The following GSK3B variants were observed in gnomAD, a reference collection of about 807,000 sequenced individuals.
GSK3B encodes glycogen synthase kinase 3 beta, also known as glycogen synthase kinase-3 beta.
In GSK3B, 15 loss-of-function variants were observed where a neutral mutation model predicts 56.4. That is an observed-to-expected ratio of 0.27 (90% confidence interval 0.18 to 0.41). The LOEUF is 0.41. Ranked by LOEUF, GSK3B falls within the 10% of genes least tolerant of loss-of-function variation. The probability of loss-of-function intolerance (pLI) is 1.00; values close to 1 mark genes in which losing one functional copy is unlikely to be tolerated. For missense variants in GSK3B, 300 were observed against 513.4 expected, an observed-to-expected ratio of 0.58 and a Z score of 4.02; for synonymous variants, 181 against 188.9, an observed-to-expected ratio of 0.96 and a Z score of 0.34.
chr3:120,071,572 G>T (rs2058327060), intron 1 of GSK3B, among the ~76,000 whole-genome samples: 1 of 152,072 alleles, frequency 6.6e-6, no homozygotes. Flanking sequence ...AGGGATCTAG[G>T]TGCACATTCC....
chr3:119,860,686 C>T (rs548767160), intron 9 of GSK3B, among the ~76,000 whole-genome samples: 17 of 152,256 alleles, frequency 1.1e-4, no homozygotes, highest in African/African-American at 3.1e-4. Flanking sequence ...TAGTTCTGTA[C>T]ATATAGCAGG....
intron 7 of GSK3B, among the ~76,000 whole-genome samples, chr3:119,898,662 AC>A (rs2056595221): frequency 6.6e-6 from 1 of 152,040 alleles, no homozygotes; most frequent in African/African-American, 2.4e-5. Flanking sequence ...TTTTTCCACC[AC>A]CCTACTCTTC....
intron 2 of GSK3B, among the ~76,000 whole-genome samples, chr3:119,989,979 T>C (rs1025845426): frequency 1.3e-5 from 2 of 152,202 alleles, no homozygotes; most frequent in Non-Finnish European, 2.9e-5. Flanking sequence ...GGGTCTGGAT[T>C]GACAGAGTAG....
intron 2 of GSK3B, among the ~76,000 whole-genome samples, chr3:119,957,233 A>G (rs889180488): frequency 6.6e-6 from 1 of 152,232 alleles, no homozygotes; most frequent in African/African-American, 2.4e-5. Flanking sequence ...AATTATAGTT[A>G]TAAAATAACA....
chr3:120,051,304 T>C (rs561027556), intron 1 of GSK3B, among the ~76,000 whole-genome samples: 10 of 152,186 alleles, frequency 6.6e-5, no homozygotes, highest in South Asian at 4.1e-4. Context: ...GAATGGGACA[T>C]AGCTCAACTA....
chr3:119,919,272 A>C (rs1158207081), intron 4 of GSK3B, among the ~76,000 whole-genome samples: 2 of 152,182 alleles, frequency 1.3e-5, no homozygotes, highest in African/African-American at 4.8e-5. Flanking sequence ...TCCTTATCAG[A>C]TGATGAGGTT....
At chr3:120,062,901 CT>C in intron 1 of GSK3B, among the ~76,000 whole-genome samples, 1 of 152,066 alleles carries the variant, frequency 6.6e-6, no homozygotes, top group South Asian at 2.1e-4. Flanking sequence ...ACTTTCTGGA[CT>C]TTAGAGCAGA....
At chr3:119,905,037 C>T (rs1274030206) in intron 7 of GSK3B, among the ~76,000 whole-genome samples, 2 of 149,484 alleles carry the variant, frequency 1.3e-5, no homozygotes, top group Non-Finnish European at 3.0e-5. Context: ...CATTTAAAAA[C>T]TCAATTAAAA....
chr3:119,977,164 T>C (rs1325006072), intron 2 of GSK3B, among the ~76,000 whole-genome samples: 2 of 152,184 alleles, frequency 1.3e-5, no homozygotes, highest in African/African-American at 4.8e-5. Context: ...CCATTAAAAT[T>C]TTAAAAATGT....
rs2058533849 is a variant in GSK3B at position 120,093,615 on chromosome 3, A to C, written c.-181T>G. The C allele has an allele frequency of 3.8e-6, 2 of 530,174 alleles. No individual in the cohort carries two copies. Among genetic ancestry groups the C allele is most frequent in the South Asian group, 5.6e-5 (2 of 35,908 alleles). 32.8% of individuals were successfully genotyped at this position (530,174 alleles called of 1,614,324 possible). On this transcript the variant is annotated 5_prime_UTR_variant, in exon 1 of 11. Transcript: ENST00000264235. Reference sequence around the variant, plus strand: ...TATACTATAAAAAACAAAACAAGCGATATATTTCTCCTTCAAGACAGATCG... The same window carrying C: ...TATACTATAAAAAACAAAACAAGCGCTATATTTCTCCTTCAAGACAGATCG...
intron 2 of GSK3B, among the ~76,000 whole-genome samples, chr3:119,968,574 A>G (rs1476123234): frequency 6.6e-6 from 1 of 152,234 alleles, no homozygotes; most frequent in Admixed American, 6.5e-5. Flanking sequence ...TAGATGCTGA[A>G]AAAGCATTTG....
Position 119,912,817 on chromosome 3 carries a change from G to T in GSK3B, c.609-7C>A. On this transcript the variant is annotated splice_region_variant and splice_polypyrimidine_tract_variant and intron_variant, in intron 5 of 10. Transcript: ENST00000264235. ...TCGGACCAGCTGCTTTGCACTAACA[G>T]AAAAAAAATAAAAATAAAAAGCAGA... 4 of 1,446,762 alleles carry T rather than the reference G, an allele frequency of 2.8e-6. No homozygotes were observed. Among genetic ancestry groups the T allele is most frequent in the African/African-American group, 1.4e-5 (1 of 70,392 alleles). The allele number at this position is 1,446,762 out of a possible 1,614,324, so 89.6% of individuals were successfully genotyped here. A position where few individuals can be genotyped will look rare whatever the true frequency, so the allele number is the denominator to read the frequency against.
chr3:119,827,761 A>G (rs2055537149), intron 10 of GSK3B, among the ~76,000 whole-genome samples: 1 of 151,998 alleles, frequency 6.6e-6, no homozygotes, highest in African/African-American at 2.4e-5. Context: ...ACTTATTTGT[A>G]GGAGCTAAAA....
chr3:120,052,086 G>A (rs754451096), intron 1 of GSK3B, among the ~76,000 whole-genome samples: 5 of 152,068 alleles, frequency 3.3e-5, no homozygotes, highest in Non-Finnish European at 7.4e-5. Flanking sequence ...CTTTATAAAC[G>A]GGATCTGTGG....
intron 2 of GSK3B, 75 bp downstream of exon 2, chr3:120,001,971 G>T: frequency 1.0e-6 from 1 of 952,734 alleles, no homozygotes; most frequent in Non-Finnish European, 1.5e-6. Context: ...GCAAAAAGAA[G>T]CAACTAAAAA....
intron 4 of GSK3B, among the ~76,000 whole-genome samples, chr3:119,919,475 C>G (rs917306624): frequency 1.4e-5 from 2 of 142,602 alleles, no homozygotes; most frequent in African/African-American, 2.6e-5. Flanking sequence ...GAATAATGCC[C>G]AGAGCCAATA....
chr3:119,968,045 C>T (rs1238014047), intron 2 of GSK3B, among the ~76,000 whole-genome samples: 11 of 152,158 alleles, frequency 7.2e-5, no homozygotes, highest in Middle Eastern at 3.4e-3. Flanking sequence ...TTAGTAGGGA[C>T]GGGGTTTCAC....
intron 7 of GSK3B, among the ~76,000 whole-genome samples, chr3:119,901,422 C>T (rs1288687308): frequency 6.6e-6 from 1 of 152,050 alleles, no homozygotes; most frequent in Non-Finnish European, 1.5e-5. Context: ...AAATGATTTT[C>T]CATGACTTTC....
At chr3:119,912,303 CA>C (rs2107454053) in intron 6 of GSK3B, among the ~76,000 whole-genome samples, 1 of 152,150 alleles carries the variant, frequency 6.6e-6, no homozygotes, top group South Asian at 2.1e-4. Context: ...CAAACCAAAA[CA>C]ATTACAATAG....
Sources: allele counts gnomAD v4.1 joint callset (sites outside exome capture counted in the v4.1 genomes callset), GRCh38; gene constraint gnomAD v4.1.1; transcripts MANE v1.5; gene names NCBI Gene and HGNC (gene_info 2026-07-23, HGNC 2026-07-21).